Variants in SNRNP25 observed in about 807,000 individuals in gnomAD.
SNRNP25 encodes U11/U12 small nuclear ribonucleoprotein 25 kDa protein.
SNRNP25 carries 21 observed loss-of-function variants against 23.9 expected under a neutral mutation model. That is an observed-to-expected ratio of 0.88 (90% confidence interval 0.62 to 1.27). The LOEUF is 1.27. Among genes scored for constraint, SNRNP25 ranks in the 50% most tolerant of loss-of-function variants. The pLI is 0.00. For synonymous variants in SNRNP25, 63 were observed against 60.4 expected (o/e 1.04, Z -0.20); for missense variants, 160 against 156.9 (o/e 1.02, Z -0.11).
rs904177019 is a variant in SNRNP25, at chr16:53,839, G to C, written c.-178G>C. On this transcript the variant is annotated 5_prime_UTR_variant, in exon 1 of 5. Transcript: ENST00000293861. ...CGCTGGGGCGGGCCGCAGTTCCTGC[G>C]CGTGCGCGCTTGGCCTCCCTAGTGC... 1.0e-5 allele frequency: 14 copies of C among 1,395,778 alleles called. No homozygotes were observed. The highest frequency in any genetic ancestry group is 1.3e-5 in the Non-Finnish European group (14 of 1,055,044). The allele number at this position is 1,395,778 out of a possible 1,614,324, so 86.5% of individuals were successfully genotyped here.
intron 3 of SNRNP25, 177 bp downstream of exon 3, chr16:56,059 G>A (rs1897402160): frequency 1.8e-5 from 12 of 666,294 alleles, no homozygotes; most frequent in Non-Finnish European, 2.9e-5. Flanking sequence ...AGTGCGGGTC[G>A]TTCTGTGCCT....
chr16:57,042 T>A, intron 4 of SNRNP25, 44 bp from the exon 5 acceptor site: 1 of 1,600,762 alleles, frequency 6.2e-7, no homozygotes, highest in Non-Finnish European at 8.6e-7. Flanking sequence ...CACAGATATG[T>A]CCTTCTGTAG....
chr16:54,154 G>A (rs984395177), intron 1 of SNRNP25, 96 bp downstream of exon 1: 3 of 1,383,046 alleles, frequency 2.2e-6, no homozygotes, highest in African/African-American at 2.9e-5. Flanking sequence ...GGGAGACTGC[G>A]GCCCAAGGCT....
In SNRNP25 at chr16:54,032, C is replaced by T. The variant is rs763229581; in HGVS notation, c.16C>T (p.Pro6Ser). 7 of 1,608,616 alleles carry T rather than the reference C, an allele frequency of 4.4e-6. No individual in the cohort carries two copies. Among genetic ancestry groups the T allele is most frequent in the Non-Finnish European group, 5.9e-6 (7 of 1,178,970 alleles). ...GGGTCTGGCTATGGTGGTGCAGGACCCGCTGCTCTGCGATCTGCCGATCCA... is the reference window on the plus strand; with the variant it reads ...GGGTCTGGCTATGGTGGTGCAGGACTCGCTGCTCTGCGATCTGCCGATCCA... MVVQDPLLCDLPIQVT... is the reference protein window; with the variant it reads MVVQDSLLCDLPIQVT... The change falls in exon 1 of 5, where the codon CCG (proline) becomes TCG (serine). Residue 6 changes from proline (P) to serine (S), a missense_variant. By Grantham distance (74) the Pro-to-Ser change is moderately conservative (BLOSUM62 -1). Coordinates refer to ENST00000293861, the MANE Select transcript of SNRNP25 (RefSeq NM_024571.4).
intron 3 of SNRNP25, 166 bp downstream of exon 3, chr16:56,048 C>T (rs1897402011): frequency 1.5e-6 from 1 of 688,242 alleles, no homozygotes. Context: ...CTGTCACAGA[C>T]AGTGCGGGTC....
At chr16:54,121 C>T (rs897595046) in intron 1 of SNRNP25, 63 bp downstream of exon 1, 2 of 1,531,726 alleles carry the variant, frequency 1.3e-6, no homozygotes, top group Non-Finnish European at 8.8e-7. Context: ...ATCCGGGCGC[C>T]GGCAGCCTCC....
At chr16:55,612 C>T (rs1403289462) in intron 2 of SNRNP25, 63 bp downstream of exon 2, 10 of 1,586,842 alleles carry the variant, frequency 6.3e-6, no homozygotes, top group African/African-American at 1.3e-5. Flanking sequence ...GAAGACCTAA[C>T]AGTGCTGGTC....
rs2141836717 is a variant in SNRNP25, at chr16:53,979, A to T, written c.-38A>T. On this transcript the variant is annotated 5_prime_UTR_variant, in exon 1 of 5. Transcript: ENST00000293861. ...GAGGACGAAGAAGAGGCGCTGCCGC[A>T]CTCCGAGGCCATGGACGTGTTCCAG... 3.1e-6 allele frequency: 5 copies of T among 1,607,146 alleles called. No homozygotes were observed. Among genetic ancestry groups the T allele is most frequent in the Non-Finnish European group, 4.2e-6 (5 of 1,177,766 alleles).
chr16:57,257 CCCAGGCATGCCCA>C lies in SNRNP25; in HGVS notation c.*115_*127del. ...AGAAAGGACGTTGTGGTGGCCTCAC[CCCAGGCATGCCCA>C]ACAGTAACTGTCAGCATAAACCTGG... On this transcript the variant is annotated 3_prime_UTR_variant, in exon 5 of 5. Coordinates refer to ENST00000293861, the MANE Select transcript of SNRNP25 (RefSeq NM_024571.4). The C allele has an allele frequency of 9.0e-7, 1 of 1,111,394 alleles. No homozygotes were observed. Among genetic ancestry groups the C allele is most frequent in the Non-Finnish European group, 1.4e-6 (1 of 732,768 alleles). 68.8% of individuals were successfully genotyped at this position (1,111,394 alleles called of 1,614,324 possible).
At chr16:55,327 A>G (rs1897392592) in intron 1 of SNRNP25, 132 bp from the exon 2 acceptor site, 3 of 743,700 alleles carry the variant, frequency 4.0e-6, no homozygotes, top group Admixed American at 2.1e-5. Context: ...ACCATAACGT[A>G]CAGGCAACCA....
rs763229581 is a variant in SNRNP25, at chr16:54,032, C to G, written c.16C>G (p.Pro6Ala). The G allele has an allele frequency of 6.2e-7, 1 of 1,608,734 alleles. No individual in the cohort carries two copies. The highest frequency in any genetic ancestry group is 2.2e-5 in the East Asian group (1 of 44,784). ...GGGTCTGGCTATGGTGGTGCAGGACCCGCTGCTCTGCGATCTGCCGATCCA... is the reference window on the plus strand; with the variant it reads ...GGGTCTGGCTATGGTGGTGCAGGACGCGCTGCTCTGCGATCTGCCGATCCA... MVVQD[P>A]LLCDLPIQVT... The change falls in exon 1 of 5, where the codon CCG (proline) becomes GCG (alanine). Residue 6 changes from proline (P) to alanine (A), a missense_variant. Coordinates refer to ENST00000293861, the MANE Select transcript of SNRNP25 (RefSeq NM_024571.4).
chr16:54,494 C>A (rs1262493234), intron 1 of SNRNP25, among the ~76,000 whole-genome samples: 2 of 152,108 alleles, frequency 1.3e-5, no homozygotes, highest in African/African-American at 4.8e-5. Context: ...AGGCGATCCT[C>A]CTGCCTCGGC....
rs746665681 is a variant in SNRNP25, at chr16:56,568, C to G, written c.269C>G (p.Thr90Ser). Residue 90 changes from threonine (T) to serine (S), a missense_variant, in exon 4 of 5, where the codon ACC (threonine) becomes AGC (serine). Transcript: ENST00000293861. ...WSYVWRTYHL[T>S]SAGEKLTEDR... ...TACGTGTGGAGGACGTACCATCTGA[C>G]CTCTGCAGGAGAGAAACTCACGGAA... is the stretch of plus-strand genomic sequence containing the variant. The G allele has an allele frequency of 1.2e-6, 2 of 1,614,094 alleles. No homozygotes were observed. Among genetic ancestry groups the G allele is most frequent in the East Asian group, 4.5e-5 (2 of 44,894 alleles).
chr16:56,203 G>T, intron 3 of SNRNP25: 1 of 666,032 alleles, frequency 1.5e-6, no homozygotes, highest in South Asian at 1.5e-5. Flanking sequence ...CCTAGTTTTG[G>T]ATGGTACACC....
intron 4 of SNRNP25, 47 bp downstream of exon 4, chr16:56,660 GC>G: frequency 2.5e-6 from 4 of 1,595,530 alleles, no homozygotes; most frequent in Non-Finnish European, 2.6e-6. Flanking sequence ...CTGTTCTGTT[GC>G]CCCTTAGTCC....
At chr16:54,240 G>A (rs905470519) in intron 1 of SNRNP25, among the ~76,000 whole-genome samples, 182 bp downstream of exon 1, 1 of 152,234 alleles carries the variant, frequency 6.6e-6, no homozygotes, top group Admixed American at 6.5e-5. Context: ...GAAGCTTAAA[G>A]AGGAACCAAA....
In SNRNP25 at chr16:57,301, C is replaced by A; in HGVS notation, c.*158C>A. ...AACTGTCAGCATAAACCTGGGGGCC[C>A]TCAGGACTAGGACAGGGTGAGCCAG... On this transcript the variant is annotated 3_prime_UTR_variant, in exon 5 of 5. Coordinates refer to ENST00000293861, the MANE Select transcript of SNRNP25 (RefSeq NM_024571.4). The A allele has an allele frequency of 1.3e-6, 1 of 754,152 alleles. No individual in the cohort carries two copies. Among genetic ancestry groups the A allele is most frequent in the Non-Finnish European group, 2.3e-6 (1 of 443,596 alleles). The allele number at this position is 754,152 out of a possible 1,614,324, so 46.7% of individuals were successfully genotyped here.
intron 1 of SNRNP25, 35 bp downstream of exon 1, chr16:54,093 G>GT: frequency 6.3e-7 from 1 of 1,575,790 alleles, no homozygotes; most frequent in East Asian, 2.3e-5. Flanking sequence ...CGCGGGAGTC[G>GT]TTCCCCGGGG....
At chr16:55,110 C>A in intron 1 of SNRNP25, 1 of 224,278 alleles carries the variant, frequency 4.5e-6, no homozygotes, top group Non-Finnish European at 9.0e-6. Context: ...ACCTGCCTTA[C>A]TCAGTCCCGA....
Sources: allele counts gnomAD v4.1 joint callset (sites outside exome capture counted in the v4.1 genomes callset), GRCh38; gene constraint gnomAD v4.1.1; transcripts MANE v1.5; gene names NCBI Gene and HGNC (gene_info 2026-07-23, HGNC 2026-07-21).